The following PRKCE variants were observed in gnomAD, a reference collection of about 807,000 sequenced individuals.
The protein encoded by PRKCE is protein kinase C epsilon.
PRKCE carries 16 observed loss-of-function variants against 85.4 expected under a neutral mutation model. The ratio of observed to expected loss-of-function variants is 0.19; its 90% CI spans 0.13 to 0.28. The LOEUF (loss-of-function observed/expected upper bound fraction) is 0.28, where lower values mean the gene tolerates loss of function less well. Among genes scored for constraint, PRKCE ranks in the 10% least tolerant of loss-of-function variants. PRKCE has a pLI of 1.00. For missense variants in PRKCE, 573 were observed against 975.2 expected (o/e 0.59, Z 5.49); for synonymous variants, 388 against 371.5 (o/e 1.04, Z -0.51).
chr2:45,707,033 TG>T (rs1233173189), intron 1 of PRKCE, among the ~76,000 whole-genome samples: 1 of 152,156 alleles, frequency 6.6e-6, no homozygotes, highest in Non-Finnish European at 1.5e-5. Context: ...TCCCCAAAGA[TG>T]GGGGTCTTGG....
At position 45,761,031 on chromosome 2, in the gene PRKCE, TA is replaced by T. The variant is rs900223274; in HGVS notation, c.349-81960del. On this transcript the variant is annotated intron_variant, in intron 1 of 14. Transcript: ENST00000306156. ...GAAGTCTAGACAGGGTGATTTTACTTAAAAAAAAATTTAAGGCCGGGCATGG... is the reference window on the plus strand; with the variant it reads ...GAAGTCTAGACAGGGTGATTTTACTTAAAAAAAATTTAAGGCCGGGCATGG... Among the ~76,000 whole-genome samples the T allele has an allele frequency of 4.9e-4, 74 of 151,454 alleles. 1 individual carries two copies. Among genetic ancestry groups the T allele is most frequent in the Admixed American group, 1.6e-3 (24 of 15,196 alleles).
chr2:46,175,367 T>G (rs1679324508), intron 14 of PRKCE, among the ~76,000 whole-genome samples: 1 of 152,198 alleles, frequency 6.6e-6, no homozygotes, highest in Non-Finnish European at 1.5e-5. Context: ...TCCTGGATCA[T>G]CCCAAAGACA....
At chr2:45,999,848 A>G (rs1704524089) in intron 6 of PRKCE, among the ~76,000 whole-genome samples, 1 of 152,088 alleles carries the variant, frequency 6.6e-6, no homozygotes, top group African/African-American at 2.4e-5. Flanking sequence ...TATATCCTGA[A>G]GCTCAGAGAT....
chr2:45,973,744 A>C (rs907259807), intron 2 of PRKCE, among the ~76,000 whole-genome samples: 29 of 152,356 alleles, frequency 1.9e-4, no homozygotes, highest in African/African-American at 6.7e-4. Flanking sequence ...AACACAGTTT[A>C]GAACGATTGG....
intron 2 of PRKCE, among the ~76,000 whole-genome samples, chr2:45,871,083 C>T (rs765959598): frequency 1.8e-4 from 27 of 152,168 alleles, no homozygotes; most frequent in Non-Finnish European, 2.5e-4. Flanking sequence ...AAATGCTTGT[C>T]TTCTAAAGTT....
intron 2 of PRKCE, among the ~76,000 whole-genome samples, chr2:45,869,401 C>A (rs916927000): frequency 6.6e-6 from 1 of 152,166 alleles, no homozygotes; most frequent in South Asian, 2.1e-4. Context: ...TGCTAGTAAT[C>A]GCTCATAACA....
At chr2:45,722,026 C>A (rs1271509442) in intron 1 of PRKCE, among the ~76,000 whole-genome samples, 1 of 151,636 alleles carries the variant, frequency 6.6e-6, no homozygotes, top group Non-Finnish European at 1.5e-5. Flanking sequence ...CAGAGAGTTT[C>A]TGTTTATTTG....
Position 46,042,102 on chromosome 2 carries a change from T to C in PRKCE, c.1437+31585T>C, listed in dbSNP as rs1409593662. ...CCAGCCAAGTTAATATTAACATTAT[T>C]GAAAAGAGTCGGTTAATGTGAAAAG... On this transcript the variant is annotated intron_variant, in intron 10 of 14. Coordinates refer to ENST00000306156, the MANE Select transcript of PRKCE (RefSeq NM_005400.3). Among the ~76,000 whole-genome samples, 2 of 152,226 alleles carry C rather than the reference T, an allele frequency of 1.3e-5. 1 individual carries two copies. The highest frequency in any genetic ancestry group is 1.3e-4 in the Admixed American group (2 of 15,286).
chr2:45,824,978 C>A (rs6719000), intron 1 of PRKCE, among the ~76,000 whole-genome samples: 13 of 151,982 alleles, frequency 8.6e-5, no homozygotes, highest in Non-Finnish European at 1.5e-4. Flanking sequence ...TGGTGGGAAC[C>A]GGGAAAAGGT....
chr2:45,998,017 T>C (rs918064736), intron 6 of PRKCE, among the ~76,000 whole-genome samples: 2 of 152,226 alleles, frequency 1.3e-5, no homozygotes, highest in Non-Finnish European at 2.9e-5. Context: ...AAAGCCAACA[T>C]TGTATGATTT....
At chr2:45,978,260 G>C (rs1167946794) in intron 3 of PRKCE, 2 of 152,278 alleles carry the variant, frequency 1.3e-5, no homozygotes, top group African/African-American at 4.8e-5. Flanking sequence ...CTGAGCTCTA[G>C]GTTCCCTGGG....
At chr2:46,061,597 A>C (rs72876192) in intron 10 of PRKCE, among the ~76,000 whole-genome samples, 7,050 of 152,162 alleles carry the variant, frequency 0.046, 442 homozygotes, top group African/African-American at 0.14. Context: ...GAGAAGCTCA[A>C]TATATAAACT....
intron 2 of PRKCE, among the ~76,000 whole-genome samples, chr2:45,911,342 C>G (rs562448131): frequency 2.0e-5 from 3 of 152,214 alleles, no homozygotes; most frequent in Non-Finnish European, 4.4e-5. Flanking sequence ...CAGGGCTAGA[C>G]AGCATGTGCA....
intron 11 of PRKCE, among the ~76,000 whole-genome samples, chr2:46,126,923 A>T (rs892528451): frequency 6.6e-6 from 1 of 152,230 alleles, no homozygotes; most frequent in African/African-American, 2.4e-5. Flanking sequence ...CAGTTTTCTT[A>T]AGACCCAACG....
rs1707852727 is a variant in PRKCE at position 46,036,290 on chromosome 2, A to G, written c.1437+25773A>G. Among the ~76,000 whole-genome samples the G allele has an allele frequency of 3.9e-5, 6 of 152,216 alleles. 1 individual carries two copies. In the South Asian group the frequency reaches 1.2e-3, roughly 32 times the overall value. ...TGACCATTCTAGAAAAGAAAGAATA[A>G]CTAGGCCGGTGTGTGGTGGCTCATG... On this transcript the variant is annotated intron_variant, in intron 10 of 14. Transcript: ENST00000306156.
chr2:45,912,043 G>A (rs934102977), intron 2 of PRKCE, among the ~76,000 whole-genome samples: 2 of 151,972 alleles, frequency 1.3e-5, no homozygotes, highest in African/African-American at 4.8e-5. Flanking sequence ...TGTTTCCCAC[G>A]CATTCTGGTA....
intron 10 of PRKCE, among the ~76,000 whole-genome samples, chr2:46,025,909 A>G (rs1402653143): frequency 2.6e-5 from 4 of 152,160 alleles, no homozygotes; most frequent in Non-Finnish European, 5.9e-5. Flanking sequence ...ACCCATCACT[A>G]TGGGAACCAG....
intron 10 of PRKCE, among the ~76,000 whole-genome samples, chr2:46,043,083 T>C (rs1404209836): frequency 6.8e-6 from 1 of 146,398 alleles, no homozygotes; most frequent in African/African-American, 2.6e-5. Context: ...GGGAAAACTT[T>C]GTAGGGCCTT....
intron 1 of PRKCE, among the ~76,000 whole-genome samples, chr2:45,712,179 C>G (rs1461237073): frequency 9.6e-5 from 8 of 83,166 alleles, no homozygotes; most frequent in African/African-American, 3.7e-4. Context: ...CAGAGTTTTG[C>G]TCTTGTTCCC....
Sources: gnomAD v4.1 joint callset for allele counts (sites outside exome capture counted in the v4.1 genomes callset) on GRCh38, gnomAD v4.1.1 for gene constraint, MANE v1.5 for transcripts, NCBI Gene and HGNC (gene_info 2026-07-23, HGNC 2026-07-21) for gene names.